Variants in NELL2 observed in about 807,000 individuals in gnomAD.
The protein encoded by NELL2 is protein kinase C-binding protein NELL2.
A neutral mutation model predicts 109.6 loss-of-function variants in NELL2; 41 were observed. The ratio of observed to expected loss-of-function variants is 0.37; its 90% CI spans 0.29 to 0.49. NELL2 has a LOEUF of 0.49. NELL2 is among the 20% of genes least tolerant of loss of function. The probability of loss-of-function intolerance (pLI) is 0.98; values close to 1 mark genes in which losing one functional copy is unlikely to be tolerated. For synonymous variants in NELL2, 355 were observed against 344.7 expected (o/e 1.03, Z -0.33); for missense variants, 900 against 1,008.3 (o/e 0.89, Z 1.45).
chr12:44,742,200 G>C (rs1342437414), intron 9 of NELL2, among the ~76,000 whole-genome samples: 1 of 152,204 alleles, frequency 6.6e-6, no homozygotes, highest in Admixed American at 6.5e-5. Context: ...AGGCAAACAG[G>C]GTCTGGAGTA....
At chr12:44,875,421 C>T in intron 1 of NELL2, 68 bp from the exon 2 acceptor site, 1 of 1,613,938 alleles carries the variant, frequency 6.2e-7, no homozygotes, top group South Asian at 1.1e-5. Context: ...TCTCTTCCTC[C>T]AGGGCAGCAA....
intron 3 of NELL2, among the ~76,000 whole-genome samples, chr12:44,806,114 T>TA (rs11325862): frequency 1.1e-4 from 17 of 151,170 alleles, no homozygotes; most frequent in African/African-American, 3.9e-4. Context: ...ATTTAGTACA[T>TA]AAAAAAACCA....
chr12:44,639,685 G>A (rs758800979), intron 13 of NELL2, among the ~76,000 whole-genome samples: 30 of 152,162 alleles, frequency 2.0e-4, no homozygotes, highest in Non-Finnish European at 2.5e-4. Flanking sequence ...GTCCGTAAGA[G>A]CCTCTTAAAA....
intron 15 of NELL2, among the ~76,000 whole-genome samples, chr12:44,552,544 A>G (rs1489153120): frequency 1.3e-5 from 2 of 152,236 alleles, no homozygotes; most frequent in African/African-American, 4.8e-5. Flanking sequence ...TTATACTAAA[A>G]TTTTATATTA....
chr12:44,839,549 T>C (rs138422553), intron 2 of NELL2, among the ~76,000 whole-genome samples: 1,618 of 152,304 alleles, frequency 0.011, 24 homozygotes, highest in African/African-American at 0.037. Context: ...ATAACAAAAA[T>C]GCTTTCCAAA....
intron 12 of NELL2, among the ~76,000 whole-genome samples, chr12:44,699,492 T>C (rs1393851380): frequency 6.6e-6 from 1 of 152,138 alleles, no homozygotes; most frequent in Admixed American, 6.5e-5. Context: ...AGAAGTTAAA[T>C]GAGAAAAAGT....
At chr12:44,828,684 T>C (rs868509613) in intron 2 of NELL2, among the ~76,000 whole-genome samples, 5 of 152,100 alleles carry the variant, frequency 3.3e-5, no homozygotes, top group African/African-American at 7.2e-5. Flanking sequence ...TTGAAGTGCA[T>C]GTTGGAATTT....
At chr12:44,673,819 A>C (rs533095627) in intron 12 of NELL2, among the ~76,000 whole-genome samples, 14 of 152,340 alleles carry the variant, frequency 9.2e-5, no homozygotes, top group Admixed American at 2.6e-4. Flanking sequence ...GTTCCTTGAA[A>C]ACAAAATATT....
intron 15 of NELL2, among the ~76,000 whole-genome samples, chr12:44,544,621 T>C (rs1009170053): frequency 6.6e-6 from 1 of 152,150 alleles, no homozygotes; most frequent in Non-Finnish European, 1.5e-5. Context: ...TTGTTTGGTA[T>C]CTTTTAACTA....
At chr12:44,564,501 T>C (rs966009620) in intron 15 of NELL2, among the ~76,000 whole-genome samples, 1 of 152,148 alleles carries the variant, frequency 6.6e-6, no homozygotes, top group African/African-American at 2.4e-5. Context: ...TGAAAGCACA[T>C]TGTGGGATAT....
intron 15 of NELL2, among the ~76,000 whole-genome samples, chr12:44,562,378 C>A (rs1177236321): frequency 6.6e-6 from 1 of 152,122 alleles, no homozygotes; most frequent in Non-Finnish European, 1.5e-5. Flanking sequence ...AGTGAACAGG[C>A]AGCCTACAGA....
chr12:44,782,169 T>C (rs191080501), intron 3 of NELL2, among the ~76,000 whole-genome samples: 1 of 152,088 alleles, frequency 6.6e-6, no homozygotes, highest in Admixed American at 6.6e-5. Flanking sequence ...AAAATTTCTA[T>C]ACATCACTCA....
chr12:44,666,922 C>G (rs1260405407), intron 12 of NELL2, among the ~76,000 whole-genome samples: 1 of 152,164 alleles, frequency 6.6e-6, no homozygotes, highest in African/African-American at 2.4e-5. Flanking sequence ...ATACTGTTCT[C>G]TCTACTTATA....
At chr12:44,789,506 A>G (rs60591231) in intron 3 of NELL2, among the ~76,000 whole-genome samples, 2,196 of 152,274 alleles carry the variant, frequency 0.014, 51 homozygotes, top group African/African-American at 0.05. Context: ...CTCTGACAGA[A>G]CCTACCCAAA....
chr12:44,795,056 G>A (rs942839289), intron 3 of NELL2, among the ~76,000 whole-genome samples: 5 of 152,130 alleles, frequency 3.3e-5, no homozygotes, highest in African/African-American at 7.2e-5. Context: ...GGCAACGGTG[G>A]CAGGGCATCA....
intron 2 of NELL2, among the ~76,000 whole-genome samples, chr12:44,854,343 G>C (rs1052091563): frequency 6.6e-6 from 1 of 152,162 alleles, no homozygotes; most frequent in Non-Finnish European, 1.5e-5. Flanking sequence ...CAGCACAGGA[G>C]TAAAGGGCAG....
intron 3 of NELL2, among the ~76,000 whole-genome samples, chr12:44,813,622 G>A (rs1482391991): frequency 2.0e-5 from 3 of 151,882 alleles, no homozygotes; most frequent in African/African-American, 7.3e-5. Context: ...AAAAGTAAGG[G>A]GTTGATTAAA....
chr12:44,645,807 T>C (rs1369757101), intron 13 of NELL2, among the ~76,000 whole-genome samples: 1 of 152,160 alleles, frequency 6.6e-6, no homozygotes, highest in East Asian at 1.9e-4. Flanking sequence ...GTTTCCCAGT[T>C]AGCATGTGAT....
intron 3 of NELL2, among the ~76,000 whole-genome samples, chr12:44,805,151 G>A (rs1301984768): frequency 6.6e-6 from 1 of 151,684 alleles, no homozygotes; most frequent in Admixed American, 6.6e-5. Context: ...CATATTACTG[G>A]ATTAGAAGAC....
Sources: gnomAD v4.1 joint callset for allele counts (sites outside exome capture counted in the v4.1 genomes callset) on GRCh38, gnomAD v4.1.1 for gene constraint, MANE v1.5 for transcripts, NCBI Gene and HGNC (gene_info 2026-07-23, HGNC 2026-07-21) for gene names.